GCNT2: variants seen among roughly 807,000 people sequenced by gnomAD.
GCNT2 encodes glucosaminyl (N-acetyl) transferase 2 (I blood group).
In GCNT2, 34 loss-of-function variants were observed where a neutral mutation model predicts 34.2. The observed-to-expected ratio is 1.00, with a 90% CI of 0.76 to 1.32. The LOEUF is 1.32. GCNT2 is among the 40% of genes most tolerant of loss of function. The probability of loss-of-function intolerance (pLI) is 0.00; values close to 1 mark genes in which losing one functional copy is unlikely to be tolerated. For missense variants in GCNT2, 584 were observed against 489.4 expected (o/e 1.19, Z -1.82); for synonymous variants, 212 against 188.0 (o/e 1.13, Z -1.04).
At chr6:10,580,410 C>T (rs947886290) in intron 3 of GCNT2, among the ~76,000 whole-genome samples, 7 of 152,190 alleles carry the variant, frequency 4.6e-5, no homozygotes, top group African/African-American at 1.2e-4. Flanking sequence ...CCTTACCTGC[C>T]TGTAGGCATT....
At chr6:10,572,673 G>A (rs936533353) in intron 3 of GCNT2, among the ~76,000 whole-genome samples, 1 of 152,182 alleles carries the variant, frequency 6.6e-6, no homozygotes, top group Non-Finnish European at 1.5e-5. Context: ...GGCGGAGCTT[G>A]CAGTGAGCTG....
At chr6:10,613,430 T>C (rs1341227499) in intron 3 of GCNT2, among the ~76,000 whole-genome samples, 1 of 152,102 alleles carries the variant, frequency 6.6e-6, no homozygotes, top group African/African-American at 2.4e-5. Context: ...TTTGCTAGGA[T>C]TCTTGTGAAT....
At chr6:10,522,076 T>G (rs1010888820) in intron 1 of GCNT2, among the ~76,000 whole-genome samples, 7 of 151,914 alleles carry the variant, frequency 4.6e-5, no homozygotes, top group Non-Finnish European at 1.0e-4. Flanking sequence ...TTAGTAGAGA[T>G]GGGGTTTCAT....
intron 3 of GCNT2, among the ~76,000 whole-genome samples, chr6:10,578,355 C>T (rs1311103847): frequency 6.7e-6 from 1 of 150,344 alleles, no homozygotes; most frequent in East Asian, 2.0e-4. Context: ...CACTCCAGCC[C>T]CTGGGCAACA....
chr6:10,573,907 GCAC>G (rs1763669872), intron 3 of GCNT2, among the ~76,000 whole-genome samples: 1 of 152,210 alleles, frequency 6.6e-6, no homozygotes, highest in African/African-American at 2.4e-5. Flanking sequence ...GGTGGCAGAA[GCAC>G]CCCTGCACAC....
chr6:10,575,830 G>C (rs921817896), intron 3 of GCNT2, among the ~76,000 whole-genome samples: 2 of 152,022 alleles, frequency 1.3e-5, no homozygotes, highest in Non-Finnish European at 1.5e-5. Flanking sequence ...GGCTCAAAAA[G>C]CTCCCCCACT....
intron 3 of GCNT2, among the ~76,000 whole-genome samples, chr6:10,600,237 T>G (rs1225998217): frequency 6.6e-6 from 1 of 152,230 alleles, no homozygotes; most frequent in Non-Finnish European, 1.5e-5. Flanking sequence ...AATGACAGGA[T>G]TCTTAAAAAG....
At chr6:10,589,332 T>C (rs1002705563) in intron 3 of GCNT2, among the ~76,000 whole-genome samples, 1 of 121,384 alleles carries the variant, frequency 8.2e-6, no homozygotes, top group Non-Finnish European at 2.0e-5. Flanking sequence ...GGTGTGTTTG[T>C]AGTGTGTGTG....
At chr6:10,554,553 T>TA (rs1762610523) in intron 3 of GCNT2, among the ~76,000 whole-genome samples, 1 of 150,682 alleles carries the variant, frequency 6.6e-6, no homozygotes, top group Non-Finnish European at 1.5e-5. Context: ...TGTCAAACTG[T>TA]AACTATTTTA....
chr6:10,586,035 G>A (rs777352725), intron 3 of GCNT2: 19 of 1,614,128 alleles, frequency 1.2e-5, no homozygotes, highest in East Asian at 2.2e-5. Context: ...TCTGCTCAGC[G>A]TGGTCATTTT....
At chr6:10,542,893 C>CTTTTTTTTTTTTTT (rs869251646) in intron 3 of GCNT2, among the ~76,000 whole-genome samples, 4 of 82,250 alleles carry the variant, frequency 4.9e-5, no homozygotes, top group African/African-American at 1.5e-4. Context: ...TATGTTAATT[C>CTTTTTTTTTTTTTT]TTTTTTTTTT....
rs537964997 is a variant in GCNT2, at chr6:10,594,575, GT to G, written c.926-26772del. On this transcript the variant is annotated intron_variant, in intron 3 of 4. Coordinates refer to ENST00000495262, the MANE Select transcript of GCNT2 (RefSeq NM_145649.5). Reference sequence around the variant, plus strand: ...ATAATGATGGCTACTTAGTAAGGCTGTTTTGAGAATTAAATTTTAAAAATGG... The same window carrying G: ...ATAATGATGGCTACTTAGTAAGGCTGTTTGAGAATTAAATTTTAAAAATGG... Among the ~76,000 whole-genome samples the G allele has an allele frequency of 1.8e-4, 28 of 152,260 alleles. No individual in the cohort carries two copies. The South Asian group carries it at 5.4e-3, about 29-fold the overall frequency.
chr6:10,536,251 G>A (rs940190600), intron 3 of GCNT2, among the ~76,000 whole-genome samples: 6 of 152,192 alleles, frequency 3.9e-5, no homozygotes, highest in Non-Finnish European at 7.3e-5. Context: ...GATGCTAGGC[G>A]AATGGACAGA....
At chr6:10,589,113 GGT>G (rs1462597264) in intron 3 of GCNT2, among the ~76,000 whole-genome samples, 319 of 127,068 alleles carry the variant, frequency 2.5e-3, no homozygotes, top group African/African-American at 7.8e-3. Context: ...GTGTGTGTGT[GGT>G]GTGTGTGTAT....
chr6:10,613,010 T>G (rs116168262), intron 3 of GCNT2, among the ~76,000 whole-genome samples: 1,571 of 152,334 alleles, frequency 0.01, 11 homozygotes, highest in Non-Finnish European at 0.016. Context: ...TTCAATATAT[T>G]CTCATCAGCA....
chr6:10,601,770 G>T (rs969090298), intron 3 of GCNT2, among the ~76,000 whole-genome samples: 2 of 151,804 alleles, frequency 1.3e-5, no homozygotes, highest in Non-Finnish European at 2.9e-5. Context: ...TGAAACCCCC[G>T]TCTCTACTAA....
intron 3 of GCNT2, among the ~76,000 whole-genome samples, chr6:10,590,559 A>AT (rs200587850): frequency 0.41 from 58,883 of 142,824 alleles, 12,755 homozygotes; most frequent in East Asian, 0.61. Context: ...ATTTTCACCT[A>AT]TTTTTTTTTT....
chr6:10,620,748 AATCTCTATGACCT>A (rs1487386578), intron 3 of GCNT2, among the ~76,000 whole-genome samples: 1 of 152,164 alleles, frequency 6.6e-6, no homozygotes, highest in Non-Finnish European at 1.5e-5. Context: ...TAGACCCTTC[AATCTCTATGACCT>A]ATCCAAAATT....
At position 10,557,183 on chromosome 6, in the gene GCNT2, C is replaced by G. The variant is rs752982694; in HGVS notation, c.925+27347C>G. 14 of 1,553,674 alleles carry G rather than the reference C, an allele frequency of 9.0e-6. No individual in the cohort carries two copies. The South Asian group carries it at 1.0e-4, about 11-fold the overall frequency. The stretch of plus-strand genomic sequence containing the variant: ...AACAGCGTTGAAACCGCCTCCCCCC[C>G]ATAATCTCACAATTTACTTTGGCTC... On this transcript the variant is annotated intron_variant, in intron 3 of 4. Transcript: ENST00000495262.
Sources: allele counts gnomAD v4.1 joint callset (sites outside exome capture counted in the v4.1 genomes callset), GRCh38; gene constraint gnomAD v4.1.1; transcripts MANE v1.5; gene names NCBI Gene and HGNC (gene_info 2026-07-23, HGNC 2026-07-21).